Variants in INPP5B observed in about 807,000 individuals in gnomAD.
INPP5B encodes inositol polyphosphate-5-phosphatase B, also known as type II inositol 1,4,5-trisphosphate 5-phosphatase.
In INPP5B, 90 loss-of-function variants were observed where a neutral mutation model predicts 118.5. The observed-to-expected ratio is 0.76, with a 90% CI of 0.64 to 0.90. The LOEUF (loss-of-function observed/expected upper bound fraction) is 0.90, where lower values mean the gene tolerates loss of function less well. Among genes scored for constraint, INPP5B ranks in the 40% least tolerant of loss-of-function variants. The pLI, the probability that INPP5B is intolerant of heterozygous loss-of-function variation, is 0.00. For missense variants in INPP5B, 984 were observed against 1,125.6 expected, an observed-to-expected ratio of 0.87 and a Z score of 1.80; for synonymous variants, 385 against 418.9, an observed-to-expected ratio of 0.92 and a Z score of 0.99.
In INPP5B at chr1:37,896,523, G is replaced by A. The variant is rs112548136; in HGVS notation, c.533-5069C>T. Among the ~76,000 whole-genome samples, 7 of 144,354 alleles carry A rather than the reference G, an allele frequency of 4.8e-5. No homozygotes were observed. In the East Asian group the frequency reaches 8.8e-4, roughly 18 times the overall value. 94.7% of individuals were successfully genotyped at this position (144,354 alleles called of 152,430 possible). On this transcript the variant is annotated intron_variant, in intron 7 of 23. Coordinates refer to ENST00000373024, the MANE Select transcript of INPP5B (RefSeq NM_005540.3). ...CCGCCCCGTCCGGCAGGTGAGGGGC[G>A]CCTCTGCCCGGCCGCCCCTACTGGG...
chr1:37,913,117 C>T (rs981328876), intron 7 of INPP5B, among the ~76,000 whole-genome samples: 57 of 152,128 alleles, frequency 3.7e-4, no homozygotes, highest in Non-Finnish European at 6.9e-4. Flanking sequence ...CTTAGCTGGG[C>T]GTGGTGGCGG....
chr1:37,903,089 G>C (rs1044760401), intron 7 of INPP5B, among the ~76,000 whole-genome samples: 8 of 152,160 alleles, frequency 5.3e-5, no homozygotes, highest in Non-Finnish European at 8.8e-5. Flanking sequence ...TTGAACCAGA[G>C]CAACTCCATC....
intron 7 of INPP5B, among the ~76,000 whole-genome samples, chr1:37,911,379 TG>T (rs1348237266): frequency 6.6e-6 from 1 of 152,184 alleles, no homozygotes; most frequent in African/African-American, 2.4e-5. Context: ...ATACCACACC[TG>T]ATCCCCATGA....
Position 37,912,934 on chromosome 1 carries a change from C to T in INPP5B, c.532+18979G>A, listed in dbSNP as rs1286633514. Among the ~76,000 whole-genome samples the T allele has an allele frequency of 2.2e-5, 3 of 137,936 alleles. No individual in the cohort carries two copies. The South Asian group carries it at 7.1e-4, about 33-fold the overall frequency. The allele number at this position is 137,936 out of a possible 152,430, so 90.5% of individuals were successfully genotyped here. On this transcript the variant is annotated intron_variant, in intron 7 of 23. Coordinates refer to ENST00000373024, the MANE Select transcript of INPP5B (RefSeq NM_005540.3). ...CTTTCCTCTAAAATCACAGAGGCCT[C>T]GACTTACTCACTGCTAAAAAAAAAA...
chr1:37,937,504 C>T (rs1263289346), intron 6 of INPP5B, among the ~76,000 whole-genome samples: 1 of 151,968 alleles, frequency 6.6e-6, no homozygotes, highest in East Asian at 1.9e-4. Context: ...CAGTCGCTCA[C>T]GCCTGTAATC....
rs192071848 is a variant in INPP5B at position 37,898,937 on chromosome 1, T to C, written c.533-7483A>G. 3.3e-5 allele frequency among the ~76,000 whole-genome samples: 5 copies of C among 151,518 alleles called. No homozygotes were observed. The East Asian group carries it at 9.8e-4, about 30-fold the overall frequency. On this transcript the variant is annotated intron_variant, in intron 7 of 23. Transcript: ENST00000373024. ...TGGCTCACGTCTGTAATCCCAGTAC[T>C]CTGGAAGGCTGAGGCAGGCGGATCC...
chr1:37,941,624 G>A (rs545603349), intron 5 of INPP5B, among the ~76,000 whole-genome samples: 109 of 151,664 alleles, frequency 7.2e-4, no homozygotes, highest in African/African-American at 2.6e-3. Flanking sequence ...CCGAGTGACA[G>A]AGCAAGATCC....
chr1:37,924,747 CAA>C (rs977625801), intron 7 of INPP5B, among the ~76,000 whole-genome samples: 1 of 151,240 alleles, frequency 6.6e-6, no homozygotes, highest in African/African-American at 2.4e-5. Context: ...TCTCTAAAAA[CAA>C]AAAGAGGCTG....
At chr1:37,914,652 G>A (rs1027091113) in intron 7 of INPP5B, among the ~76,000 whole-genome samples, 12 of 152,068 alleles carry the variant, frequency 7.9e-5, no homozygotes, top group Admixed American at 7.2e-4. Flanking sequence ...CTCAGTTCAG[G>A]AGTTATCTTC....
intron 4 of INPP5B, 58 bp from the exon 5 acceptor site, chr1:37,943,727 C>A: frequency 1.2e-6 from 2 of 1,612,148 alleles, no homozygotes; most frequent in East Asian, 2.2e-5. Flanking sequence ...CCTTGCCCCC[C>A]CATCAAGGAC....
At chr1:37,893,081 T>C (rs1382473450) in intron 7 of INPP5B, among the ~76,000 whole-genome samples, 2 of 132,610 alleles carry the variant, frequency 1.5e-5, no homozygotes, top group African/African-American at 5.2e-5. Flanking sequence ...ATTATTTTCT[T>C]TTTCTTTTTT....
chr1:37,909,380 C>T (rs1644608629), intron 7 of INPP5B, among the ~76,000 whole-genome samples: 1 of 152,132 alleles, frequency 6.6e-6, no homozygotes, highest in South Asian at 2.1e-4. Context: ...CTCCCCCACC[C>T]TATAACCCTT....
chr1:37,880,579 A>G (rs1643136895), intron 14 of INPP5B, among the ~76,000 whole-genome samples: 1 of 152,142 alleles, frequency 6.6e-6, no homozygotes, highest in African/African-American at 2.4e-5. Context: ...CTGGGATTAC[A>G]GGCGCATGCC....
At chr1:37,866,798 A>G (rs982486798) in intron 20 of INPP5B, among the ~76,000 whole-genome samples, 4 of 152,238 alleles carry the variant, frequency 2.6e-5, no homozygotes, top group Non-Finnish European at 5.9e-5. Flanking sequence ...AGAAGATCCA[A>G]CATTGGAGAA....
intron 7 of INPP5B, among the ~76,000 whole-genome samples, chr1:37,905,434 G>C (rs1644471211): frequency 6.6e-6 from 1 of 152,076 alleles, no homozygotes; most frequent in African/African-American, 2.4e-5. Flanking sequence ...ACAAAAATAT[G>C]TTATTGGTAT....
intron 13 of INPP5B, chr1:37,883,190 A>T (rs1239678077): frequency 1.0e-6 from 1 of 985,406 alleles, no homozygotes; most frequent in Non-Finnish European, 1.2e-6. Context: ...GTCTAATAAG[A>T]TCTAAAAGAT....
At position 37,887,644 on chromosome 1, in the gene INPP5B, GCAAA is replaced by G. The variant is rs536238340; in HGVS notation, c.900-183_900-180del. Reference sequence around the variant, plus strand: ...GCCAAGGAACTTTGCAGGTGCTGTTGCAAACAAAAACCCATTTTCTTTTCATGAC... The same window carrying G: ...GCCAAGGAACTTTGCAGGTGCTGTTGCAAAAACCCATTTTCTTTTCATGAC... On this transcript the variant is annotated intron_variant, in intron 10 of 23. Transcript: ENST00000373024. Among the ~76,000 whole-genome samples, 41 of 152,278 alleles carry G rather than the reference GCAAA, an allele frequency of 2.7e-4. No homozygotes were observed. In the South Asian group the frequency reaches 6.4e-3, roughly 24 times the overall value.
chr1:37,909,865 A>G (rs1409137445), intron 7 of INPP5B, among the ~76,000 whole-genome samples: 1 of 152,194 alleles, frequency 6.6e-6, no homozygotes, highest in African/African-American at 2.4e-5. Context: ...AAGAACTTCA[A>G]AACGCCTAAA....
rs1314566939 is a variant in INPP5B, at chr1:37,898,734, T to TA, written c.533-7281dup. Among the ~76,000 whole-genome samples the TA allele has an allele frequency of 4.0e-5, 6 of 151,814 alleles. No individual in the cohort carries two copies. The South Asian group carries it at 1.0e-3, about 26-fold the overall frequency. On this transcript the variant is annotated intron_variant, in intron 7 of 23. Coordinates refer to ENST00000373024, the MANE Select transcript of INPP5B (RefSeq NM_005540.3). Reference sequence around the variant, plus strand: ...ATGAACCTTAATGTATACAAAATTTTAAAAAATCATTTAGGACGTCAGGAG... The same window carrying TA: ...ATGAACCTTAATGTATACAAAATTTTAAAAAAATCATTTAGGACGTCAGGAG...
Sources: gnomAD v4.1 joint callset for allele counts (sites outside exome capture counted in the v4.1 genomes callset) on GRCh38, gnomAD v4.1.1 for gene constraint, MANE v1.5 for transcripts, NCBI Gene and HGNC (gene_info 2026-07-23, HGNC 2026-07-21) for gene names.